SLC24A2: variants seen among roughly 807,000 people sequenced by gnomAD.
SLC24A2 encodes solute carrier family 24 member 2.
Under a neutral mutation model 62.0 loss-of-function variants are expected in SLC24A2, and 36 were observed. The observed-to-expected ratio is 0.58, with a 90% CI of 0.44 to 0.77. The LOEUF is 0.77. SLC24A2 is among the 30% of genes least tolerant of loss of function. The pLI, the probability that SLC24A2 is intolerant of heterozygous loss-of-function variation, is 0.00. For missense variants in SLC24A2, 846 were observed against 817.9 expected (o/e 1.03, Z -0.42); for synonymous variants, 358 against 294.0 (o/e 1.22, Z -2.23).
chr9:20,108,495 A>G, the SLC24A2 span, among the ~76,000 whole-genome samples: 556 of 152,316 alleles, frequency 3.7e-3, 5 homozygotes, highest in Admixed American at 8.7e-3. Context: ...TGGCACATAT[A>G]CACCATGGAA....
the SLC24A2 span, among the ~76,000 whole-genome samples, chr9:19,798,654 C>A: frequency 2.0e-5 from 3 of 152,032 alleles, no homozygotes; most frequent in African/African-American, 7.2e-5. Context: ...TACTGTTCCA[C>A]TGACTCTGTC....
upstream of SLC24A2, among the ~76,000 whole-genome samples, chr9:19,793,706 C>T (rs868749435): frequency 3.0e-4 from 45 of 152,260 alleles, no homozygotes; most frequent in Admixed American, 2.0e-3. Flanking sequence ...CCATTTGAAT[C>T]CAATAATGTC....
At chr9:20,175,634 C>T in the SLC24A2 span, among the ~76,000 whole-genome samples, 1 of 152,038 alleles carries the variant, frequency 6.6e-6, no homozygotes, top group Non-Finnish European at 1.5e-5. Context: ...GGCTTGAATA[C>T]AAAGAATCTG....
At chr9:20,221,894 A>T in the SLC24A2 span, among the ~76,000 whole-genome samples, 1 of 152,146 alleles carries the variant, frequency 6.6e-6, no homozygotes, top group Admixed American at 6.6e-5. Flanking sequence ...TTGCCCACAG[A>T]CACTCAGGAA....
At chr9:19,795,762 C>T in the SLC24A2 span, among the ~76,000 whole-genome samples, 1 of 152,116 alleles carries the variant, frequency 6.6e-6, no homozygotes. Flanking sequence ...TTCCATTCTT[C>T]CCATATAGTT....
At chr9:20,088,118 C>T in the SLC24A2 span, among the ~76,000 whole-genome samples, 1 of 152,338 alleles carries the variant, frequency 6.6e-6, no homozygotes, top group Non-Finnish European at 1.5e-5. Context: ...AAAGTGGCTG[C>T]AACTCTGGCA....
chr9:19,618,159 TAG>T (rs1817817323), intron 4 of SLC24A2, among the ~76,000 whole-genome samples: 1 of 152,184 alleles, frequency 6.6e-6, no homozygotes, highest in Non-Finnish European at 1.5e-5. Context: ...AACCAAATAC[TAG>T]AGAGACCCTA....
chr9:20,070,501 C>G, the SLC24A2 span, among the ~76,000 whole-genome samples: 1 of 152,116 alleles, frequency 6.6e-6, no homozygotes, highest in Admixed American at 6.5e-5. Context: ...GTAAATGAAC[C>G]AAAGAAACCG....
At chr9:19,850,001 A>G in the SLC24A2 span, among the ~76,000 whole-genome samples, 1 of 149,610 alleles carries the variant, frequency 6.7e-6, no homozygotes, top group Non-Finnish European at 1.5e-5. Flanking sequence ...CCAGAAATCT[A>G]AATCATAAGA....
the SLC24A2 span, among the ~76,000 whole-genome samples, chr9:19,942,732 G>A: frequency 1.3e-5 from 2 of 152,200 alleles, no homozygotes; most frequent in Admixed American, 6.5e-5. Flanking sequence ...CCAGGAAGAT[G>A]TCATGTGCCT....
At chr9:20,272,977 C>A in the SLC24A2 span, among the ~76,000 whole-genome samples, 33 of 152,282 alleles carry the variant, frequency 2.2e-4, no homozygotes, top group African/African-American at 7.7e-4. Flanking sequence ...TCCATTTGGC[C>A]AAGCCAAGCC....
the SLC24A2 span, among the ~76,000 whole-genome samples, chr9:20,066,453 G>T: frequency 6.6e-6 from 1 of 152,116 alleles, no homozygotes; most frequent in African/African-American, 2.4e-5. Context: ...TTGGCTTAAT[G>T]CACATCTTCT....
At chr9:19,522,905 G>A (rs1237637483) in intron 9 of SLC24A2, among the ~76,000 whole-genome samples, 2 of 152,216 alleles carry the variant, frequency 1.3e-5, no homozygotes, top group Non-Finnish European at 2.9e-5. Flanking sequence ...TAGATTTGGA[G>A]TGAAGCATTG....
the SLC24A2 span, among the ~76,000 whole-genome samples, chr9:20,074,282 T>C: frequency 6.6e-6 from 1 of 151,974 alleles, no homozygotes; most frequent in Non-Finnish European, 1.5e-5. Flanking sequence ...AGGGAAGCTT[T>C]CATTTTCTAA....
chr9:19,935,726 C>T, the SLC24A2 span, among the ~76,000 whole-genome samples: 1 of 152,128 alleles, frequency 6.6e-6, no homozygotes, highest in South Asian at 2.1e-4. Context: ...TCTGCCAGGT[C>T]CCCCACGTGT....
chr9:20,164,703 T>C, the SLC24A2 span, among the ~76,000 whole-genome samples: 1 of 152,020 alleles, frequency 6.6e-6, no homozygotes, highest in African/African-American at 2.4e-5. Context: ...ATTGTGGCAC[T>C]ATTCACAATA....
At chr9:19,747,874 T>C (rs1587262218) in intron 2 of SLC24A2, among the ~76,000 whole-genome samples, 1 of 152,174 alleles carries the variant, frequency 6.6e-6, no homozygotes, top group Non-Finnish European at 1.5e-5. Context: ...GTGAGGTGTT[T>C]TGATTATTTT....
At chr9:20,078,132 G>C in the SLC24A2 span, among the ~76,000 whole-genome samples, 1 of 152,086 alleles carries the variant, frequency 6.6e-6, no homozygotes, top group East Asian at 1.9e-4. Flanking sequence ...TAACCTATAG[G>C]CTGCCCCTTT....
the SLC24A2 span, among the ~76,000 whole-genome samples, chr9:19,875,199 GA>G: frequency 6.6e-6 from 1 of 152,060 alleles, no homozygotes; most frequent in Admixed American, 6.6e-5. Flanking sequence ...CTCTCTCAAA[GA>G]ACTGAAATTT....
Sources: gnomAD v4.1 joint callset for allele counts (sites outside exome capture counted in the v4.1 genomes callset) on GRCh38, gnomAD v4.1.1 for gene constraint, MANE v1.5 for transcripts, NCBI Gene and HGNC (gene_info 2026-07-23, HGNC 2026-07-21) for gene names.